The following SLC39A11 variants were observed in gnomAD, a reference collection of about 807,000 sequenced individuals.
SLC39A11 encodes the protein solute carrier family 39 member 11, also known as zinc transporter ZIP11.
A neutral mutation model predicts 36.1 loss-of-function variants in SLC39A11; 33 were observed. The observed-to-expected ratio is 0.91, with a 90% CI of 0.69 to 1.22. SLC39A11 has a LOEUF of 1.22. Ranked by LOEUF, SLC39A11 falls within the 50% of genes most tolerant of loss-of-function variation. The pLI is 0.00. For missense variants in SLC39A11, 432 were observed against 430.3 expected, an observed-to-expected ratio of 1.00 and a Z score of -0.03; for synonymous variants, 166 against 170.3, an observed-to-expected ratio of 0.97 and a Z score of 0.20.
intron 3 of SLC39A11, among the ~76,000 whole-genome samples, chr17:73,045,170 C>T (rs781701638): frequency 1.3e-4 from 19 of 151,908 alleles, no homozygotes; most frequent in Non-Finnish European, 2.8e-4. Context: ...GGCCCAGGCC[C>T]ATTCTCAAAC....
At chr17:72,872,983 G>A (rs2080719750) in intron 5 of SLC39A11, among the ~76,000 whole-genome samples, 1 of 151,446 alleles carries the variant, frequency 6.6e-6, no homozygotes. Flanking sequence ...GAACCCGGGA[G>A]GCGGAGCTTG....
At chr17:72,895,409 T>C (rs986999213) in intron 5 of SLC39A11, among the ~76,000 whole-genome samples, 1 of 152,082 alleles carries the variant, frequency 6.6e-6, no homozygotes, top group African/African-American at 2.4e-5. Flanking sequence ...TGAAACCTCA[T>C]CTCTACTAAA....
Position 72,735,207 on chromosome 17 carries a change from G to C in SLC39A11, c.671+1443C>G, listed in dbSNP as rs75530999. Among the ~76,000 whole-genome samples the C allele has an allele frequency of 6.2e-3, 946 of 152,182 alleles. 36 individuals are homozygous for C. In the East Asian group the frequency reaches 0.085, roughly 14 times the overall value. On this transcript the variant is annotated intron_variant, in intron 7 of 9. Transcript: ENST00000255559. ...ACATTCCAGCCCATGCACATATTCGGGGCTTCATGGAGCAGGCACGCTTCT... is the reference window on the plus strand; with the variant it reads ...ACATTCCAGCCCATGCACATATTCGCGGCTTCATGGAGCAGGCACGCTTCT...
chr17:72,864,054 G>C (rs1355389217), intron 5 of SLC39A11, among the ~76,000 whole-genome samples: 1 of 152,064 alleles, frequency 6.6e-6, no homozygotes, highest in African/African-American at 2.4e-5. Context: ...AAGACGCCTA[G>C]GTTCTCTCTG....
At chr17:72,865,778 C>A (rs1598179246) in intron 5 of SLC39A11, among the ~76,000 whole-genome samples, 1 of 151,540 alleles carries the variant, frequency 6.6e-6, no homozygotes, top group South Asian at 2.1e-4. Context: ...TATAAAACAG[C>A]CTAACCTTAT....
At chr17:72,822,855 C>A (rs547898334) in intron 6 of SLC39A11, among the ~76,000 whole-genome samples, 46 of 150,992 alleles carry the variant, frequency 3.0e-4, no homozygotes, top group African/African-American at 1.0e-3. Context: ...GCTGGGACCA[C>A]AGGCACACAC....
At chr17:72,686,705 A>G (rs1472466239) in intron 7 of SLC39A11, among the ~76,000 whole-genome samples, 1 of 152,220 alleles carries the variant, frequency 6.6e-6, no homozygotes, top group Non-Finnish European at 1.5e-5. Context: ...GGCAGGAATC[A>G]GGGCATATGT....
intron 3 of SLC39A11, among the ~76,000 whole-genome samples, chr17:73,038,753 G>GGGAGGGA (rs2059008948): frequency 8.3e-6 from 1 of 120,582 alleles, no homozygotes; most frequent in African/African-American, 2.9e-5. Context: ...GGAGGGAGGA[G>GGGAGGGA]GGAGGGAGGA....
chr17:72,798,146 C>G (rs2076957731), intron 6 of SLC39A11, among the ~76,000 whole-genome samples: 1 of 152,036 alleles, frequency 6.6e-6, no homozygotes, highest in Non-Finnish European at 1.5e-5. Context: ...GAGGCAACTT[C>G]AGGTTATGTG....
intron 6 of SLC39A11, among the ~76,000 whole-genome samples, chr17:72,749,179 C>T (rs2075055609): frequency 6.6e-6 from 1 of 152,174 alleles, no homozygotes; most frequent in African/African-American, 2.4e-5. Flanking sequence ...CTTTGCCCAG[C>T]AGGGAATTAT....
At position 72,646,828 on chromosome 17, in the gene SLC39A11, A is replaced by G. The variant is rs2069582729; in HGVS notation, c.*756T>C. The G allele has an allele frequency of 6.6e-6, 1 of 152,374 alleles. No homozygotes were observed. The highest frequency in any genetic ancestry group is 2.1e-4 in the South Asian group (1 of 4,810). 9.4% of individuals were successfully genotyped at this position (152,374 alleles called of 1,614,324 possible). On this transcript the variant is annotated 3_prime_UTR_variant, in exon 10 of 10. Coordinates refer to ENST00000255559, the MANE Select transcript of SLC39A11 (RefSeq NM_139177.4). ...ACAAATGGCCTTGCTCCTGGAATCC[A>G]TTGACAGCAGAGGCCTCCGAACAAA...
chr17:72,665,202 C>T (rs1036496628), intron 7 of SLC39A11, among the ~76,000 whole-genome samples: 1 of 152,098 alleles, frequency 6.6e-6, no homozygotes, highest in African/African-American at 2.4e-5. Flanking sequence ...GGGAGTGCGC[C>T]ATCTTGGAAA....
At chr17:72,988,183 T>G (rs1229552118) in intron 4 of SLC39A11, among the ~76,000 whole-genome samples, 1 of 152,238 alleles carries the variant, frequency 6.6e-6, no homozygotes, top group Non-Finnish European at 1.5e-5. Flanking sequence ...CTGGGCACAG[T>G]GGCTCACGCC....
chr17:72,729,428 TATATATATATATATATATATATATA>T (rs2074088855), intron 7 of SLC39A11, among the ~76,000 whole-genome samples: 5 of 5,282 alleles, frequency 9.5e-4, no homozygotes, highest in East Asian at 4.0e-3. Context: ...TATATATATA[TATATATATATATATATATATATATA>T]TATATTTTTT....
intron 6 of SLC39A11, among the ~76,000 whole-genome samples, chr17:72,806,770 A>G (rs1478057253): frequency 2.0e-5 from 3 of 151,966 alleles, no homozygotes; most frequent in Admixed American, 6.6e-5. Context: ...TTTAGTAGAG[A>G]CGGGGTTGTG....
chr17:72,666,953 T>A (rs566219352), intron 7 of SLC39A11, among the ~76,000 whole-genome samples: 1 of 152,180 alleles, frequency 6.6e-6, no homozygotes, highest in Non-Finnish European at 1.5e-5. Flanking sequence ...GCGAGAGGCA[T>A]GTCCTGAAAT....
chr17:72,652,483 T>A (rs1485322179), intron 7 of SLC39A11, among the ~76,000 whole-genome samples: 1 of 152,130 alleles, frequency 6.6e-6, no homozygotes, highest in Non-Finnish European at 1.5e-5. Flanking sequence ...CCTGGGATGG[T>A]CCCTCTCAAG....
chr17:72,915,499 A>G (rs1382308350), intron 5 of SLC39A11, among the ~76,000 whole-genome samples: 1 of 152,166 alleles, frequency 6.6e-6, no homozygotes, highest in Non-Finnish European at 1.5e-5. Context: ...CTGGCATGAC[A>G]TGGCAGTGTG....
chr17:72,734,227 T>C lies in SLC39A11; in HGVS notation c.671+2423A>G, dbSNP rs182656831. ...TACATCTTGCCACCCAAGAAGAAGA[T>C]GCCAGACATTTAGAGAGGAGGGAAT... On this transcript the variant is annotated intron_variant, in intron 7 of 9. Transcript: ENST00000255559. Among the ~76,000 whole-genome samples the C allele has an allele frequency of 9.0e-4, 137 of 152,294 alleles. No homozygotes were observed. The Middle Eastern group carries it at 0.014, about 15-fold the overall frequency.
Sources: gnomAD v4.1 joint callset for allele counts (sites outside exome capture counted in the v4.1 genomes callset) on GRCh38, gnomAD v4.1.1 for gene constraint, MANE v1.5 for transcripts, NCBI Gene and HGNC (gene_info 2026-07-23, HGNC 2026-07-21) for gene names.